The following ANK2 variants were observed in gnomAD, a reference collection of about 807,000 sequenced individuals.
The protein encoded by ANK2 is ankyrin-2.
In ANK2, 83 loss-of-function variants were observed where a neutral mutation model predicts 360.5. The ratio of observed to expected loss-of-function variants is 0.23; its 90% CI spans 0.19 to 0.28. ANK2 has a LOEUF of 0.28. Among genes scored for constraint, ANK2 ranks in the 10% least tolerant of loss-of-function variants. The pLI, the probability that ANK2 is intolerant of heterozygous loss-of-function variation, is 1.00. For missense variants in ANK2, 4,201 were observed against 4,795.7 expected (o/e 0.88, Z 3.66); for synonymous variants, 1,740 against 1,759.5 (o/e 0.99, Z 0.28).
chr4:113,221,261 G>T (rs2153489076), intron 4 of ANK2, among the ~76,000 whole-genome samples: 1 of 151,656 alleles, frequency 6.6e-6, no homozygotes, highest in East Asian at 1.9e-4. Flanking sequence ...AGTTGGTCTG[G>T]AGCAACATCA....
intron 1 of ANK2, among the ~76,000 whole-genome samples, chr4:113,113,121 T>G (rs1436648162): frequency 3.9e-5 from 6 of 152,098 alleles, no homozygotes; most frequent in Admixed American, 6.6e-5. Flanking sequence ...ATTAACACCA[T>G]GAACTTGATT....
At position 112,923,022 on chromosome 4, in the gene ANK2, G is replaced by A. The variant is rs114305584; in HGVS notation, c.21+18508G>A. The stretch of plus-strand genomic sequence containing the variant: ...AAATACCTTGAATTTATTATTAGAC[G>A]TGTAGATTTAAATGTCACAAGATAT... On this transcript the variant is annotated intron_variant, in intron 2 of 30. Coordinates refer to the ANK2 transcript ENST00000503271. Among the ~76,000 whole-genome samples, 959 of 152,056 alleles carry A rather than the reference G, an allele frequency of 6.3e-3. 9 individuals are homozygous for A. Among genetic ancestry groups the A allele is most frequent in the African/African-American group, 0.022 (911 of 41,478 alleles).
intron 1 of ANK2, among the ~76,000 whole-genome samples, chr4:113,165,271 C>A (rs186827330): frequency 3.4e-4 from 51 of 152,084 alleles, no homozygotes; most frequent in African/African-American, 8.2e-4. Flanking sequence ...AGTTGGAGAT[C>A]CTAAAGCAAT....
intron 1 of ANK2, among the ~76,000 whole-genome samples, chr4:112,853,260 G>A (rs984243713): frequency 6.6e-6 from 1 of 152,094 alleles, no homozygotes; most frequent in African/African-American, 2.4e-5. Context: ...GTAGAGATGG[G>A]GTTTCACTAT....
chr4:113,069,692 C>T (rs939158358), intron 1 of ANK2, among the ~76,000 whole-genome samples: 7 of 152,108 alleles, frequency 4.6e-5, no homozygotes, highest in Non-Finnish European at 8.8e-5. Flanking sequence ...TCTCTTTAAC[C>T]TCAGGGGCAC....
intron 2 of ANK2, among the ~76,000 whole-genome samples, chr4:112,910,053 G>A (rs2086589854): frequency 6.6e-6 from 1 of 152,080 alleles, no homozygotes; most frequent in African/African-American, 2.4e-5. Flanking sequence ...ATAAATAATA[G>A]AATAAGCATA....
At chr4:112,923,278 ATGT>A (rs1293395563) in intron 2 of ANK2, among the ~76,000 whole-genome samples, 1 of 152,136 alleles carries the variant, frequency 6.6e-6, no homozygotes, top group African/African-American at 2.4e-5. Flanking sequence ...AGTGTTTTTA[ATGT>A]TGTTGTTTCA....
chr4:113,116,310 C>G (rs961823807), intron 1 of ANK2, among the ~76,000 whole-genome samples: 1 of 152,106 alleles, frequency 6.6e-6, no homozygotes. Context: ...TTCCTCTTTC[C>G]CATTCTCTAT....
chr4:112,869,765 T>G (rs573671360), intron 1 of ANK2, among the ~76,000 whole-genome samples: 2 of 152,040 alleles, frequency 1.3e-5, no homozygotes, highest in Non-Finnish European at 2.9e-5. Flanking sequence ...TCACTGCAAT[T>G]TCTGCCGCCT....
chr4:112,866,244 A>T (rs1194325049), intron 1 of ANK2, among the ~76,000 whole-genome samples: 1 of 152,200 alleles, frequency 6.6e-6, no homozygotes, highest in African/African-American at 2.4e-5. Context: ...CAAGAAAAAA[A>T]TCCTTAAATC....
intron 10 of ANK2, among the ~76,000 whole-genome samples, chr4:113,250,626 G>A (rs1029975677): frequency 5.3e-5 from 8 of 152,004 alleles, no homozygotes; most frequent in South Asian, 2.1e-4. Context: ...TTTGAGACAC[G>A]AATTGGAGAT....
chr4:113,285,935 G>A (rs1016473626), intron 18 of ANK2, among the ~76,000 whole-genome samples: 1 of 152,122 alleles, frequency 6.6e-6, no homozygotes, highest in East Asian at 1.9e-4. Flanking sequence ...CAGCAACTGT[G>A]GACAAAAACC....
Position 113,381,725 on chromosome 4 carries a change from C to A in ANK2, c.*254C>A. The A allele has an allele frequency of 7.1e-7, 1 of 1,401,424 alleles. No homozygotes were observed. Among genetic ancestry groups the A allele is most frequent in the Non-Finnish European group, 9.7e-7 (1 of 1,032,974 alleles). The allele number at this position is 1,401,424 out of a possible 1,614,324, so 86.8% of individuals were successfully genotyped here. A position where few individuals can be genotyped will look rare whatever the true frequency, so the allele number is the denominator to read the frequency against. ...TCAGTAGGGGAGTGACCTAACTGGCCTAATTAATGGGATACCCCGACATTT... is the reference window on the plus strand; with the variant it reads ...TCAGTAGGGGAGTGACCTAACTGGCATAATTAATGGGATACCCCGACATTT... On this transcript the variant is annotated 3_prime_UTR_variant, in exon 46 of 46. Transcript: ENST00000357077.
chr4:113,338,829 A>G (rs542296417), intron 31 of ANK2, among the ~76,000 whole-genome samples: 17 of 152,058 alleles, frequency 1.1e-4, no homozygotes, highest in Non-Finnish European at 2.5e-4. Flanking sequence ...GATTACAGGC[A>G]TGAGTCACCG....
chr4:112,942,862 A>G lies in ANK2; in HGVS notation c.21+38348A>G, dbSNP rs184761203. 1.8e-3 allele frequency among the ~76,000 whole-genome samples: 267 copies of G among 152,180 alleles called. 1 individual carries two copies. Among genetic ancestry groups the G allele is most frequent in the Admixed American group, 5.2e-3 (79 of 15,280 alleles). ...ATTAAGAAAAAAAATTCCTCTATAAATTAGTCCTAACAATATCTTTTTTAG... is the reference window on the plus strand; with the variant it reads ...ATTAAGAAAAAAAATTCCTCTATAAGTTAGTCCTAACAATATCTTTTTTAG... On this transcript the variant is annotated intron_variant, in intron 2 of 30. Coordinates refer to the ANK2 transcript ENST00000503271.
At chr4:112,726,357 T>C in the ANK2 span, among the ~76,000 whole-genome samples, 1 of 152,176 alleles carries the variant, frequency 6.6e-6, no homozygotes, top group African/African-American at 2.4e-5. Context: ...ACATAGTGTC[T>C]GTTTGTTTGA....
chr4:113,344,694 A>G (rs1428762253), intron 34 of ANK2, among the ~76,000 whole-genome samples: 1 of 152,184 alleles, frequency 6.6e-6, no homozygotes, highest in East Asian at 1.9e-4. Context: ...AATACTATTC[A>G]GCCTTTAAAA....
At chr4:113,287,561 T>C in intron 18 of ANK2, 44 bp from the exon 19 acceptor site, 1 of 1,401,914 alleles carries the variant, frequency 7.1e-7, no homozygotes, top group Non-Finnish European at 1.0e-6. Context: ...ATGCAATGTA[T>C]TTTCTTCTTC....
At chr4:113,368,183 G>A (rs1456883478) in intron 42 of ANK2, among the ~76,000 whole-genome samples, 2 of 152,092 alleles carry the variant, frequency 1.3e-5, no homozygotes, top group Admixed American at 1.3e-4. Context: ...GTTTATGAAA[G>A]CTTCATCTAA....
Sources: allele counts gnomAD v4.1 joint callset (sites outside exome capture counted in the v4.1 genomes callset), GRCh38; gene constraint gnomAD v4.1.1; transcripts MANE v1.5; gene names NCBI Gene and HGNC (gene_info 2026-07-23, HGNC 2026-07-21).